The following EHMT1 variants were observed in gnomAD, a reference collection of about 807,000 sequenced individuals.
EHMT1 encodes the protein euchromatic histone lysine methyltransferase 1.
Under a neutral mutation model 147.2 loss-of-function variants are expected in EHMT1, and 15 were observed. That is an observed-to-expected ratio of 0.10 (90% CI 0.07 to 0.16). The LOEUF is 0.16. Among genes scored for constraint, EHMT1 ranks in the 10% least tolerant of loss-of-function variants. The pLI is 1.00. For synonymous variants in EHMT1, 795 were observed against 709.6 expected (o/e 1.12, Z -1.91); for missense variants, 1,587 against 1,772.4 (o/e 0.90, Z 1.88).
At chr9:137,818,012 C>G in intron 24 of EHMT1, 48 bp from the exon 25 acceptor site, 1 of 1,581,100 alleles carries the variant, frequency 6.3e-7, no homozygotes, top group Non-Finnish European at 8.7e-7. Flanking sequence ...TGTCTGTGGG[C>G]AGTGCTCGCT....
chr9:137,754,384 A>T, intron 8 of EHMT1, 93 bp downstream of exon 8: 1 of 1,545,126 alleles, frequency 6.5e-7, no homozygotes, highest in Non-Finnish European at 8.8e-7. Flanking sequence ...GTAGGATTTC[A>T]TTAGAAAAGA....
At chr9:137,834,561 C>T (rs554167055) in intron 26 of EHMT1, 37 bp downstream of exon 26, 17 of 1,607,242 alleles carry the variant, frequency 1.1e-5, no homozygotes, top group Non-Finnish European at 1.2e-5. Flanking sequence ...TCTCCGCTGC[C>T]GGCGGGACGG....
intron 2 of EHMT1, among the ~76,000 whole-genome samples, chr9:137,714,461 A>G (rs1945020193): frequency 6.7e-6 from 1 of 149,684 alleles, no homozygotes; most frequent in African/African-American, 2.5e-5. Context: ...CCAACCTTGC[A>G]TTTCTGGGGT....
intron 1 of EHMT1, among the ~76,000 whole-genome samples, chr9:137,668,330 C>G (rs560136695): frequency 6.6e-6 from 1 of 151,888 alleles, no homozygotes; most frequent in Non-Finnish European, 1.5e-5. Context: ...ACCCACCCAC[C>G]ACTCACCCAC....
At position 137,732,010 on chromosome 9, in the gene EHMT1, A is replaced by G. The variant is rs529808259; in HGVS notation, c.823+3481A>G. On this transcript the variant is annotated intron_variant, in intron 4 of 26. Coordinates refer to ENST00000460843, the MANE Select transcript of EHMT1 (RefSeq NM_024757.5). This position sits in a 1 kb window ranked among gnomAD's most constrained non-coding sequence, Gnocchi z 4.6. ...CCAGCAACTGCAGAGCCCCAAGGGG[A>G]TAGGGTGGGAGAGTGTGCTATAGCT... Among the ~76,000 whole-genome samples the G allele has an allele frequency of 2.0e-5, 3 of 152,154 alleles. No homozygotes were observed. The highest frequency in any genetic ancestry group is 7.2e-5 in the African/African-American group (3 of 41,440).
chr9:137,633,351 TAGA>T (rs1843749541), intron 1 of EHMT1, among the ~76,000 whole-genome samples: 1 of 152,066 alleles, frequency 6.6e-6, no homozygotes, highest in Admixed American at 6.6e-5. Flanking sequence ...ATCTACTGAT[TAGA>T]AGAACAGAAT....
intron 25 of EHMT1, among the ~76,000 whole-genome samples, chr9:137,831,084 T>C (rs968390044): frequency 6.6e-6 from 1 of 152,174 alleles, no homozygotes; most frequent in African/African-American, 2.4e-5. Flanking sequence ...GCAGCAGTTC[T>C]CTGGGGTCCC....
At chr9:137,730,533 C>T (rs949775123) in intron 4 of EHMT1, among the ~76,000 whole-genome samples, 2 of 152,222 alleles carry the variant, frequency 1.3e-5, no homozygotes, top group African/African-American at 4.8e-5. Flanking sequence ...TCAAGCAGTC[C>T]TCCTGACTTG....
At chr9:137,623,962 G>A (rs904547412) in intron 1 of EHMT1, among the ~76,000 whole-genome samples, 9 of 151,650 alleles carry the variant, frequency 5.9e-5, no homozygotes, top group Admixed American at 4.6e-4. Context: ...TGGGACGGCA[G>A]GTGTGTGCCG....
At chr9:137,636,468 C>T (rs764606183) in intron 1 of EHMT1, among the ~76,000 whole-genome samples, 2 of 152,272 alleles carry the variant, frequency 1.3e-5, no homozygotes, top group Admixed American at 6.5e-5. Flanking sequence ...TTCCCATCTT[C>T]ATTCCTGTTT....
chr9:137,691,986 A>G (rs1942974934), intron 1 of EHMT1, among the ~76,000 whole-genome samples: 1 of 152,192 alleles, frequency 6.6e-6, no homozygotes, highest in Non-Finnish European at 1.5e-5. Flanking sequence ...ATATAAATGA[A>G]GTGCAGTTTA....
Position 137,700,268 on chromosome 9 carries a change from A to G in EHMT1, c.22-10699A>G, listed in dbSNP as rs375183359. On this transcript the variant is annotated intron_variant, in intron 1 of 26. Transcript: ENST00000460843. Reference sequence around the variant, plus strand: ...CATGTCATGACAGCCTGTAGTGCCCACCTCCCCGGGAGCTGCTTGTGTACT... The same window carrying G: ...CATGTCATGACAGCCTGTAGTGCCCGCCTCCCCGGGAGCTGCTTGTGTACT... Among the ~76,000 whole-genome samples the G allele has an allele frequency of 1.7e-3, 263 of 152,004 alleles. 2 individuals are homozygous for G. The highest frequency in any genetic ancestry group is 5.9e-3 in the African/African-American group (245 of 41,424).
rs1376032174 is a variant in EHMT1 at position 137,732,103 on chromosome 9, G to A, written c.823+3574G>A. 2.0e-5 allele frequency among the ~76,000 whole-genome samples: 3 copies of A among 152,198 alleles called. No individual in the cohort carries two copies. The highest frequency in any genetic ancestry group is 2.1e-4 in the South Asian group (1 of 4,834). ...CAGCTCGTTCAGTTCTGCCGCTTTC[G>A]CCCTGGCCTGCAGCTCCCAGGCTGG... On this transcript the variant is annotated intron_variant, in intron 4 of 26. Coordinates refer to ENST00000460843, the MANE Select transcript of EHMT1 (RefSeq NM_024757.5). The surrounding 1 kb of genome is among the most constrained non-coding windows in gnomAD (Gnocchi z 4.6).
rs546164475 is a variant in EHMT1, at chr9:137,629,082, T to C, written c.21+10033T>C. ...CAGCAAACCAGGTAGGGAATAGTTA[T>C]TTGCTTTTGTATTTTTTTTTTTTTT... On this transcript the variant is annotated intron_variant, in intron 1 of 26. Coordinates refer to ENST00000460843, the MANE Select transcript of EHMT1 (RefSeq NM_024757.5). Among the ~76,000 whole-genome samples, 21 of 151,622 alleles carry C rather than the reference T, an allele frequency of 1.4e-4. No homozygotes were observed. In the East Asian group the frequency reaches 3.7e-3, roughly 26 times the overall value.
rs904777430 is a variant in EHMT1, at chr9:137,835,450, C to T, written c.*497C>T. On this transcript the variant is annotated 3_prime_UTR_variant, in exon 27 of 27. Transcript: ENST00000460843. ...CGAGTCCCAGGGGCCGCACGGAGGG[C>T]ACAGTCTCCTGTCAGGCTCGGAGAG... 2 of 153,388 alleles carry T rather than the reference C, an allele frequency of 1.3e-5. No homozygotes were observed. Among genetic ancestry groups the T allele is most frequent in the African/African-American group, 2.4e-5 (1 of 41,510 alleles). 9.5% of individuals were successfully genotyped at this position (153,388 alleles called of 1,614,324 possible). A position where few individuals can be genotyped will look rare whatever the true frequency, so the allele number is the denominator to read the frequency against.
intron 4 of EHMT1, among the ~76,000 whole-genome samples, chr9:137,738,219 C>A (rs1406324051): frequency 6.8e-5 from 10 of 148,092 alleles, no homozygotes; most frequent in South Asian, 6.4e-4. Context: ...AAAAAAAAAA[C>A]AACAAAAAAA....
At chr9:137,675,477 T>C (rs186279335) in intron 1 of EHMT1, among the ~76,000 whole-genome samples, 282 of 152,196 alleles carry the variant, frequency 1.9e-3, no homozygotes, top group Non-Finnish European at 3.0e-3. Context: ...TATTTATTTA[T>C]TTTTGAGATA....
chr9:137,828,941 C>T lies in EHMT1; in HGVS notation c.3541-5408C>T, dbSNP rs1348310780. ...CTGGGAAGAGCCCAGATGGGCCTGGCCCTCCCAGATGGCCTCTTTTGCCTC... is the reference window on the plus strand; with the variant it reads ...CTGGGAAGAGCCCAGATGGGCCTGGTCCTCCCAGATGGCCTCTTTTGCCTC... On this transcript the variant is annotated intron_variant, in intron 25 of 26. Coordinates refer to ENST00000460843, the MANE Select transcript of EHMT1 (RefSeq NM_024757.5). This position sits in a 1 kb window ranked among gnomAD's most constrained non-coding sequence, Gnocchi z 5.3. 6.6e-6 allele frequency among the ~76,000 whole-genome samples: 1 copy of T among 152,148 alleles called. No homozygotes were observed. The highest frequency in any genetic ancestry group is 1.5e-5 in the Non-Finnish European group (1 of 68,018).
chr9:137,627,821 A>AC (rs150171981), intron 1 of EHMT1, among the ~76,000 whole-genome samples: 2,648 of 143,078 alleles, frequency 0.019, 36 homozygotes, highest in Non-Finnish European at 0.028. Context: ...CTGCCTCATT[A>AC]CCCCCCCACC....
Sources: allele counts gnomAD v4.1 joint callset (sites outside exome capture counted in the v4.1 genomes callset), GRCh38; gene constraint gnomAD v4.1.1; non-coding constraint Gnocchi (gnomAD v3.1); transcripts MANE v1.5; gene names NCBI Gene and HGNC (gene_info 2026-07-23, HGNC 2026-07-21).